The following PLEKHA5 variants were observed in gnomAD, a reference collection of about 807,000 sequenced individuals.
PLEKHA5 encodes pleckstrin homology domain-containing family A member 5.
A neutral mutation model predicts 181.9 loss-of-function variants in PLEKHA5; 55 were observed. That is an observed-to-expected ratio of 0.30 (90% CI 0.24 to 0.38). The LOEUF (loss-of-function observed/expected upper bound fraction) is 0.38. Ranked by LOEUF, PLEKHA5 falls within the 10% of genes least tolerant of loss-of-function variation. The probability of loss-of-function intolerance (pLI) is 1.00; values close to 1 mark genes in which losing one functional copy is unlikely to be tolerated. For synonymous variants in PLEKHA5, 535 were observed against 529.4 expected, an observed-to-expected ratio of 1.01 and a Z score of -0.15; for missense variants, 1,432 against 1,549.5, an observed-to-expected ratio of 0.92 and a Z score of 1.27.
At chr12:19,272,423 C>A (rs1288118641) in intron 10 of PLEKHA5, among the ~76,000 whole-genome samples, 1 of 151,930 alleles carries the variant, frequency 6.6e-6, no homozygotes, top group Admixed American at 6.6e-5. Flanking sequence ...AGAAAAAAAA[C>A]CCACCACAGT....
chr12:19,348,560 T>C (rs757454959), intron 25 of PLEKHA5, 41 bp downstream of exon 25: 3 of 1,480,524 alleles, frequency 2.0e-6, no homozygotes, highest in Non-Finnish European at 2.7e-6. Flanking sequence ...GTTTTTGTTT[T>C]TGAAGACAAT....
intron 20 of PLEKHA5, among the ~76,000 whole-genome samples, chr12:19,331,931 T>C (rs955296442): frequency 6.6e-6 from 1 of 152,026 alleles, no homozygotes; most frequent in African/African-American, 2.4e-5. Flanking sequence ...GGTGGGAGGA[T>C]TGCTTGAGCC....
At chr12:19,278,430 TG>T (rs1475663895) in intron 11 of PLEKHA5, among the ~76,000 whole-genome samples, 1 of 152,198 alleles carries the variant, frequency 6.6e-6, no homozygotes, top group Non-Finnish European at 1.5e-5. Context: ...AGATTGATAA[TG>T]TATGTCCCCT....
intron 3 of PLEKHA5, chr12:19,200,297 CA>C: frequency 2.0e-6 from 3 of 1,502,486 alleles, no homozygotes; most frequent in Non-Finnish European, 2.7e-6. Context: ...AACATTAAAA[CA>C]ATTTTTTTTA....
At chr12:19,157,978 A>G (rs1475829254) in intron 3 of PLEKHA5, among the ~76,000 whole-genome samples, 3 of 152,154 alleles carry the variant, frequency 2.0e-5, no homozygotes, top group Non-Finnish European at 4.4e-5. Context: ...AGCTTTTTAA[A>G]AAACCTCTAC....
intron 8 of PLEKHA5, among the ~76,000 whole-genome samples, chr12:19,268,482 G>A (rs1006338282): frequency 6.6e-6 from 1 of 152,162 alleles, no homozygotes; most frequent in Admixed American, 6.5e-5. Flanking sequence ...AGTAATTGCT[G>A]TTTCACTTTC....
At chr12:19,283,079 G>A (rs942346917) in intron 11 of PLEKHA5, among the ~76,000 whole-genome samples, 29 of 142,670 alleles carry the variant, frequency 2.0e-4, no homozygotes, top group Admixed American at 1.9e-3. Flanking sequence ...CCCAGGAGGC[G>A]GAGGTTGCAG....
intron 15 of PLEKHA5, among the ~76,000 whole-genome samples, chr12:19,295,341 GT>G (rs1303121743): frequency 6.6e-6 from 1 of 152,080 alleles, no homozygotes; most frequent in East Asian, 1.9e-4. Context: ...CTTTTTCCAT[GT>G]TTATTTTTCT....
chr12:19,295,704 C>T (rs999427529), intron 15 of PLEKHA5, among the ~76,000 whole-genome samples: 1 of 152,110 alleles, frequency 6.6e-6, no homozygotes, highest in Non-Finnish European at 1.5e-5. Context: ...TCCATAGGAG[C>T]TGATTGTAGC....
chr12:19,338,407 G>T (rs1179840740), intron 21 of PLEKHA5, among the ~76,000 whole-genome samples: 1 of 151,864 alleles, frequency 6.6e-6, no homozygotes. Flanking sequence ...ATCACTTGAG[G>T]CCAGAAGTTT....
chr12:19,354,140 ATTCTTTTTTTT>A (rs2094770199), intron 26 of PLEKHA5, 138 bp downstream of exon 26: 1 of 69,746 alleles, frequency 1.4e-5, no homozygotes, highest in Non-Finnish European at 3.3e-5. Context: ...GTTATTCTTT[ATTCTTTTTTTT>A]TTTTTTTTTT....
At chr12:19,309,671 G>GT (rs2152976906) in intron 15 of PLEKHA5, among the ~76,000 whole-genome samples, 1 of 152,180 alleles carries the variant, frequency 6.6e-6, no homozygotes, top group Non-Finnish European at 1.5e-5. Flanking sequence ...CTTGAACCCG[G>GT]GAGGTGGAGG....
At chr12:19,194,318 T>C (rs975721873) in intron 3 of PLEKHA5, among the ~76,000 whole-genome samples, 9 of 152,240 alleles carry the variant, frequency 5.9e-5, no homozygotes, top group Non-Finnish European at 1.2e-4. Context: ...ACTGTGTATA[T>C]GCACATTTAC....
intron 3 of PLEKHA5, among the ~76,000 whole-genome samples, chr12:19,168,853 G>C (rs2045223045): frequency 6.6e-6 from 1 of 152,174 alleles, no homozygotes; most frequent in Non-Finnish European, 1.5e-5. Flanking sequence ...ACTGGGTGAA[G>C]TGAAAAGAGC....
At chr12:19,147,119 G>A (rs2039118153) in intron 3 of PLEKHA5, 1 of 152,144 alleles carries the variant, frequency 6.6e-6, no homozygotes, top group Admixed American at 6.5e-5. Context: ...AAAATGCATG[G>A]CCTGCTCAGA....
chr12:19,165,282 AACAC>A (rs768489815), intron 3 of PLEKHA5, among the ~76,000 whole-genome samples: 5 of 152,154 alleles, frequency 3.3e-5, no homozygotes, highest in African/African-American at 1.2e-4. Flanking sequence ...CTTTGTAAGA[AACAC>A]ACACTGTCTA....
chr12:19,183,589 GT>G (rs2049102518), intron 3 of PLEKHA5, among the ~76,000 whole-genome samples: 1 of 152,154 alleles, frequency 6.6e-6, no homozygotes, highest in Non-Finnish European at 1.5e-5. Flanking sequence ...GAAGCAAGTG[GT>G]TTGGGTTTCA....
rs150537967 is a variant in PLEKHA5 at position 19,364,760 on chromosome 12, G to A, written c.3609-1204G>A. ...CACTGCAACCTCTGCCCCGCCGCCC[G>A]ATTCAAGCAGTTCTCCTGCCTCAGC... is the stretch of plus-strand genomic sequence containing the variant. On this transcript the variant is annotated intron_variant, in intron 29 of 31. Transcript: ENST00000429027. Among the ~76,000 whole-genome samples, 23 of 151,666 alleles carry A rather than the reference G, an allele frequency of 1.5e-4. No individual in the cohort carries two copies. In the East Asian group the frequency reaches 2.6e-3, roughly 17 times the overall value.
intron 12 of PLEKHA5, 142 bp from the exon 13 acceptor site, chr12:19,287,331 G>A (rs1396551496): frequency 3.0e-6 from 2 of 673,742 alleles, no homozygotes; most frequent in Non-Finnish European, 5.3e-6. Flanking sequence ...GTCAAGAAAT[G>A]TTAGTCTCTA....
Sources: allele counts gnomAD v4.1 joint callset (sites outside exome capture counted in the v4.1 genomes callset), GRCh38; gene constraint gnomAD v4.1.1; transcripts MANE v1.5; gene names NCBI Gene and HGNC (gene_info 2026-07-23, HGNC 2026-07-21).